ANKRD36C: variants seen among roughly 807,000 people sequenced by gnomAD.
The protein encoded by ANKRD36C is ankyrin repeat domain 36C.
Under a neutral mutation model 276.4 loss-of-function variants are expected in ANKRD36C, and 61 were observed. That is an observed-to-expected ratio of 0.22 (90% CI 0.18 to 0.27). The LOEUF (loss-of-function observed/expected upper bound fraction) is 0.27. Among genes scored for constraint, ANKRD36C ranks in the 10% least tolerant of loss-of-function variants. The probability of loss-of-function intolerance (pLI) is 1.00; values close to 1 mark genes in which losing one functional copy is unlikely to be tolerated. For missense variants in ANKRD36C, 1,447 were observed against 2,032.3 expected (o/e 0.71, Z 5.54); for synonymous variants, 483 against 680.1 (o/e 0.71, Z 4.51).
intron 6 of ANKRD36C, among the ~76,000 whole-genome samples, chr2:95,964,158 T>C: frequency 6.8e-6 from 1 of 147,914 alleles, no homozygotes; most frequent in East Asian, 2.0e-4. Context: ...AATAAATACC[T>C]CAGCCAACAC....
At chr2:95,865,023 A>G (rs1675657651) in intron 60 of ANKRD36C, among the ~76,000 whole-genome samples, 1 of 152,074 alleles carries the variant, frequency 6.6e-6, no homozygotes, top group Non-Finnish European at 1.5e-5. Flanking sequence ...ATCATTTTCT[A>G]TAGTTTTATA....
At position 95,916,704 on chromosome 2, in the gene ANKRD36C, A is replaced by G. The variant is rs553304310; in HGVS notation, c.2348-533T>C. On this transcript the variant is annotated intron_variant, in intron 36 of 66. Coordinates refer to ENST00000456556, the Ensembl canonical transcript of ANKRD36C. Reference sequence around the variant, plus strand: ...AAGTGTCCTAAATTGATCACCTTGGATATCTGTTTGCTGATACCTAGTAGA... The same window carrying G: ...AAGTGTCCTAAATTGATCACCTTGGGTATCTGTTTGCTGATACCTAGTAGA... 5.7e-4 allele frequency among the ~76,000 whole-genome samples: 87 copies of G among 151,756 alleles called. 1 individual carries two copies. The highest frequency in any genetic ancestry group is 2.0e-3 in the African/African-American group (84 of 41,478).
chr2:95,931,849 TAC>T lies in ANKRD36C; in HGVS notation c.1736-2584_1736-2583del, dbSNP rs1553405639. Reference sequence around the variant, plus strand: ...CAGAAGAGAAAAAAATACACACACATACACACACACACACACACATTCACACA... The same window carrying T: ...CAGAAGAGAAAAAAATACACACACATACACACACACACACACATTCACACA... On this transcript the variant is annotated intron_variant, in intron 24 of 66. Transcript: ENST00000456556. 1.3e-3 allele frequency among the ~76,000 whole-genome samples: 146 copies of T among 111,486 alleles called. 4 individuals are homozygous for T. Among genetic ancestry groups the T allele is most frequent in the African/African-American group, 3.2e-3 (114 of 35,660 alleles). 73.1% of individuals were successfully genotyped at this position (111,486 alleles called of 152,430 possible).
chr2:95,946,609 G>A (rs1341316692), intron 17 of ANKRD36C, among the ~76,000 whole-genome samples: 10 of 147,176 alleles, frequency 6.8e-5, no homozygotes, highest in Admixed American at 2.7e-4. Flanking sequence ...ACATGCACAC[G>A]TATGTTTATT....
rs1016977570 is a variant in ANKRD36C, at chr2:95,903,157, C to T, written c.2654-3821G>A. On this transcript the variant is annotated intron_variant, in intron 42 of 66. Coordinates refer to ENST00000456556, the Ensembl canonical transcript of ANKRD36C. ...TATCCACATATTCATGCAGTGTTAG[C>T]ATCAACCTCTGTCCTCCTGCCTGTA... 37 of 1,527,388 alleles carry T rather than the reference C, an allele frequency of 2.4e-5. 2 individuals carry two copies. The African/African-American group carries it at 4.9e-4, about 20-fold the overall frequency. The allele number at this position is 1,527,388 out of a possible 1,614,324, so 94.6% of individuals were successfully genotyped here. A position where few individuals can be genotyped will look rare whatever the true frequency, so the allele number is the denominator to read the frequency against.
chr2:95,967,085 T>A (rs1410266482), intron 6 of ANKRD36C, among the ~76,000 whole-genome samples: 2 of 152,210 alleles, frequency 1.3e-5, no homozygotes, highest in African/African-American at 2.4e-5. Context: ...AAATATACCA[T>A]CATGTCATCT....
At chr2:95,854,411 G>A (rs1265425225) in intron 63 of ANKRD36C, among the ~76,000 whole-genome samples, 1 of 151,630 alleles carries the variant, frequency 6.6e-6, no homozygotes, top group African/African-American at 2.4e-5. Context: ...CCTACTCTAC[G>A]TGAATCCTGC....
chr2:95,892,496 G>T (rs1467043461), intron 44 of ANKRD36C, among the ~76,000 whole-genome samples: 1 of 151,404 alleles, frequency 6.6e-6, no homozygotes, highest in South Asian at 2.1e-4. Flanking sequence ...TTAGCCTTCC[G>T]AAAGTTTCTT....
rs535526294 is a variant in ANKRD36C, at chr2:95,856,775, C to G, written c.4080+534G>C. 1.3e-3 allele frequency among the ~76,000 whole-genome samples: 197 copies of G among 152,224 alleles called. 1 individual carries two copies. Among genetic ancestry groups the G allele is most frequent in the African/African-American group, 4.5e-3 (187 of 41,554 alleles). On this transcript the variant is annotated intron_variant, in intron 62 of 66. Transcript: ENST00000456556. ...AACTCATTTAGTTATAATTCTATAG[C>G]AAAAGGTTAAAAATATAAGCAAGCT...
chr2:95,881,543 T>C (rs1676076930), intron 56 of ANKRD36C, among the ~76,000 whole-genome samples: 1 of 151,234 alleles, frequency 6.6e-6, no homozygotes. Flanking sequence ...GCCAGCACTT[T>C]GGAAAAAAAC....
chr2:95,890,390 C>T (rs1676313221), intron 46 of ANKRD36C, among the ~76,000 whole-genome samples: 2 of 151,488 alleles, frequency 1.3e-5, no homozygotes, highest in Non-Finnish European at 3.0e-5. Flanking sequence ...AAAGGATATA[C>T]ACAATTATAG....
chr2:95,913,732 T>C (rs1442079156), intron 40 of ANKRD36C, among the ~76,000 whole-genome samples: 1 of 151,418 alleles, frequency 6.6e-6, no homozygotes. Context: ...TGTTACAAGC[T>C]TTCTGTCTTT....
At chr2:95,867,627 T>C (rs868416161) in intron 59 of ANKRD36C, 46 bp from the exon 80 acceptor site, 68 of 1,426,092 alleles carry the variant, frequency 4.8e-5, no homozygotes, top group African/African-American at 3.0e-4. Flanking sequence ...AAAATATTTA[T>C]AGCATATACA....
intron 61 of ANKRD36C, among the ~76,000 whole-genome samples, chr2:95,858,066 G>C (rs1481330984): frequency 3.3e-5 from 5 of 151,886 alleles, no homozygotes; most frequent in African/African-American, 4.8e-5. Flanking sequence ...CTTTGAGTTG[G>C]CCTGCCTTTC....
intron 44 of ANKRD36C, 76 bp downstream of exon 64, chr2:95,893,457 C>T (rs1676436208): frequency 2.6e-6 from 4 of 1,520,752 alleles, no homozygotes; most frequent in Non-Finnish European, 3.5e-6. Context: ...GACGAGCCCC[C>T]CGCTGATTTA....
intron 6 of ANKRD36C, among the ~76,000 whole-genome samples, chr2:95,963,978 T>TAA (rs1344614893): frequency 7.8e-5 from 1 of 12,790 alleles, no homozygotes; most frequent in Non-Finnish European, 1.3e-4. Flanking sequence ...TATAAATATA[T>TAA]ATATATATAT....
intron 42 of ANKRD36C, among the ~76,000 whole-genome samples, chr2:95,902,360 G>C (rs1369094688): frequency 6.7e-5 from 10 of 149,500 alleles, no homozygotes; most frequent in Admixed American, 6.7e-4. Flanking sequence ...AGTTCACTCA[G>C]GTTTTCTCAG....
At chr2:95,917,915 C>G (rs1402531428) in exon 36 of ANKRD36C, 3 of 1,606,834 alleles carry the variant, frequency 1.9e-6, no homozygotes, top group Admixed American at 1.7e-5. Context: ...GAATCTTCCT[C>G]GTCAGTTGTA....
rs550445125 is a variant in ANKRD36C, at chr2:95,852,942, G to A, written c.5149-746C>T. On this transcript the variant is annotated intron_variant, in intron 64 of 66. Transcript: ENST00000456556. Reference sequence around the variant, plus strand: ...TAAAAGCATCATCTTAAACTGCAAAGGTGTCCATTAAACATGCCAAAGGAG... The same window carrying A: ...TAAAAGCATCATCTTAAACTGCAAAAGTGTCCATTAAACATGCCAAAGGAG... The A allele has an allele frequency of 5.2e-5, 8 of 152,402 alleles. No homozygotes were observed. In the East Asian group the frequency reaches 1.5e-3, roughly 29 times the overall value. 9.4% of individuals were successfully genotyped at this position (152,402 alleles called of 1,614,324 possible).
Sources: allele counts gnomAD v4.1 joint callset (sites outside exome capture counted in the v4.1 genomes callset), GRCh38; gene constraint gnomAD v4.1.1; transcripts MANE v1.5; gene names NCBI Gene and HGNC (gene_info 2026-07-23, HGNC 2026-07-21).